The following HNRNPM variants were observed in gnomAD, a reference collection of about 807,000 sequenced individuals.
HNRNPM encodes the protein CEA receptor.
Under a neutral mutation model 73.1 loss-of-function variants are expected in HNRNPM, and 11 were observed. That is an observed-to-expected ratio of 0.15 (90% confidence interval 0.09 to 0.25). The LOEUF (loss-of-function observed/expected upper bound fraction) is 0.25. Ranked by LOEUF, HNRNPM falls within the 10% of genes least tolerant of loss-of-function variation. The pLI, the probability that HNRNPM is intolerant of heterozygous loss-of-function variation, is 1.00. For synonymous variants in HNRNPM, 407 were observed against 355.2 expected, an observed-to-expected ratio of 1.15 and a Z score of -1.64; for missense variants, 789 against 1,067.9, an observed-to-expected ratio of 0.74 and a Z score of 3.64.
At chr19:8,448,419 A>T (rs527424612) in intron 1 of HNRNPM, among the ~76,000 whole-genome samples, 1 of 152,252 alleles carries the variant, frequency 6.6e-6, no homozygotes, top group East Asian at 1.9e-4. Context: ...AAATTTTTTT[A>T]AATGTAGTAT....
intron 5 of HNRNPM, among the ~76,000 whole-genome samples, chr19:8,464,050 G>T (rs765735292): frequency 6.6e-6 from 1 of 152,050 alleles, no homozygotes; most frequent in African/African-American, 2.4e-5. Context: ...GTTTGTTCCA[G>T]CCTGGGCAAC....
intron 1 of HNRNPM, among the ~76,000 whole-genome samples, chr19:8,453,443 A>G (rs1301536638): frequency 6.6e-6 from 1 of 152,180 alleles, no homozygotes; most frequent in East Asian, 1.9e-4. Flanking sequence ...ACCTGGCCTC[A>G]ACTAAATAAC....
At position 8,463,693 on chromosome 19, in the gene HNRNPM, T is replaced by G; in HGVS notation, c.438+7T>G. 6.3e-7 allele frequency: 1 copy of G among 1,584,228 alleles called. No individual in the cohort carries two copies. The highest frequency in any genetic ancestry group is 8.7e-7 in the Non-Finnish European group (1 of 1,153,004). The stretch of plus-strand genomic sequence containing the variant: ...ACCACTGAAAGTCAAAGAAGTAAGC[T>G]CTTGCTTAACACTGCGGATACTGTG... On this transcript the variant is annotated splice_region_variant and intron_variant, in intron 5 of 15. Coordinates refer to ENST00000325495, the MANE Select transcript of HNRNPM (RefSeq NM_005968.5).
chr19:8,445,197 CCTA>C, intron 1 of HNRNPM, 86 bp downstream of exon 1: 1 of 1,193,144 alleles, frequency 8.4e-7, no homozygotes, highest in Admixed American at 4.2e-5. Flanking sequence ...CTGTTGGCGG[CCTA>C]GCCCCGGCGC....
At chr19:8,452,413 T>G (rs972584876) in intron 1 of HNRNPM, among the ~76,000 whole-genome samples, 5 of 150,976 alleles carry the variant, frequency 3.3e-5, no homozygotes, top group African/African-American at 1.2e-4. Flanking sequence ...TTATGATTTT[T>G]TCTAACACAG....
At chr19:8,447,216 G>A (rs1968251383) in intron 1 of HNRNPM, among the ~76,000 whole-genome samples, 1 of 151,424 alleles carries the variant, frequency 6.6e-6, no homozygotes, top group Non-Finnish European at 1.5e-5. Flanking sequence ...GATAGTTTAG[G>A]AAGCTGGCAA....
At chr19:8,459,448 TTTATA>T (rs1196200383) in intron 2 of HNRNPM, among the ~76,000 whole-genome samples, 1 of 152,194 alleles carries the variant, frequency 6.6e-6, no homozygotes, top group Non-Finnish European at 1.5e-5. Flanking sequence ...TCAAGGTGTC[TTTATA>T]TTAAAGAGTG....
intron 12 of HNRNPM, among the ~76,000 whole-genome samples, chr19:8,475,555 G>A (rs78144971): frequency 0.029 from 4,392 of 152,226 alleles, 236 homozygotes; most frequent in African/African-American, 0.1. Context: ...CCCTTCTTCC[G>A]GTGCACAGGG....
Position 8,462,556 on chromosome 19 carries a change from T to C in HNRNPM, c.311T>C (p.Leu104Ser). The C allele has an allele frequency of 6.2e-7, 1 of 1,613,876 alleles. No individual in the cohort carries two copies. Among genetic ancestry groups the C allele is most frequent in the Non-Finnish European group, 8.5e-7 (1 of 1,179,756 alleles). Residue 104 changes from leucine (L) to serine (S), a missense_variant, in exon 3 of 16, where the codon TTA becomes TCA. Around this residue, in one of 4 missense-constraint regions of HNRNPM, gnomAD observed 63 missense variants for 147.4 expected, o/e 0.43. Coordinates refer to ENST00000325495, the MANE Select transcript of HNRNPM (RefSeq NM_005968.5). The surrounding 1 kb of genome is among the most constrained non-coding windows in gnomAD (Gnocchi z 4.5). ...KVGEVTYVEL[L>S]MDAEGKSRGC... ...GGTGAGGTAACATACGTGGAGCTCT[T>C]AATGGACGCTGAAGGAAAGTCAAGG...
At chr19:8,449,258 A>G (rs1252825386) in intron 1 of HNRNPM, among the ~76,000 whole-genome samples, 1 of 152,142 alleles carries the variant, frequency 6.6e-6, no homozygotes, top group African/African-American at 2.4e-5. Context: ...AAGAGATACT[A>G]GCCTGCAAAG....
Position 8,488,862 on chromosome 19 carries a change from C to T in HNRNPM, c.*8C>T, listed in dbSNP as rs1240858292. ...ATTGATAGAAACGCTTAAGCAGTTG[C>T]CTTTTTTAAACATCGATACGAGACC... On this transcript the variant is annotated 3_prime_UTR_variant, in exon 16 of 16. Transcript: ENST00000325495. The T allele has an allele frequency of 2.5e-6, 4 of 1,601,210 alleles. No homozygotes were observed. Among genetic ancestry groups the T allele is most frequent in the Non-Finnish European group, 3.4e-6 (4 of 1,170,596 alleles).
intron 13 of HNRNPM, among the ~76,000 whole-genome samples, chr19:8,483,701 T>C (rs1971078764): frequency 6.6e-6 from 1 of 152,214 alleles, no homozygotes; most frequent in Non-Finnish European, 1.5e-5. Flanking sequence ...CAGTGATGAC[T>C]GCCGGAAACA....
chr19:8,472,580 C>T (rs567533900), intron 10 of HNRNPM, among the ~76,000 whole-genome samples: 54 of 152,262 alleles, frequency 3.5e-4, no homozygotes, highest in African/African-American at 1.2e-3. Context: ...TTACCTTTAA[C>T]AGGGATTGAT....
At chr19:8,473,842 C>T (rs1970325389) in intron 11 of HNRNPM, 134 bp downstream of exon 11, 4 of 660,562 alleles carry the variant, frequency 6.1e-6, no homozygotes, top group Non-Finnish European at 1.0e-5. Flanking sequence ...TGACTTCCTC[C>T]TGCCTGTCCA....
chr19:8,456,853 C>T (rs1242283037), intron 2 of HNRNPM, among the ~76,000 whole-genome samples: 1 of 152,202 alleles, frequency 6.6e-6, no homozygotes, highest in African/African-American at 2.4e-5. Flanking sequence ...TCAGCCAAAT[C>T]ATTCCTGCCA....
intron 2 of HNRNPM, among the ~76,000 whole-genome samples, chr19:8,458,446 G>A (rs779006809): frequency 1.4e-4 from 22 of 152,176 alleles, no homozygotes; most frequent in African/African-American, 4.3e-4. Context: ...ACTTAGTGTC[G>A]TGCTACATTT....
intron 15 of HNRNPM, 184 bp downstream of exon 15, chr19:8,487,259 A>T: frequency 1.5e-6 from 1 of 647,778 alleles, no homozygotes. Flanking sequence ...CATGTTTTTC[A>T]GCTGTGTTCT....
chr19:8,484,840 C>T (rs545161573), intron 13 of HNRNPM, among the ~76,000 whole-genome samples: 65 of 152,280 alleles, frequency 4.3e-4, no homozygotes, highest in African/African-American at 1.2e-3. Context: ...ACCCTGCTTT[C>T]CAGAGTTGCA....
intron 12 of HNRNPM, among the ~76,000 whole-genome samples, chr19:8,479,670 C>G (rs1245750065): frequency 6.6e-6 from 1 of 151,324 alleles, no homozygotes; most frequent in African/African-American, 2.4e-5. Context: ...TTACAAATTC[C>G]TGGGCTCAAG....
Sources: gnomAD v4.1 joint callset for allele counts (sites outside exome capture counted in the v4.1 genomes callset) on GRCh38, gnomAD v4.1.1 for gene constraint, gnomAD v4.1.1 regional missense constraint, Gnocchi (gnomAD v3.1) non-coding constraint, MANE v1.5 for transcripts, NCBI Gene and HGNC (gene_info 2026-07-23, HGNC 2026-07-21) for gene names.